Variants in UBASH3B observed in about 807,000 individuals in gnomAD.
UBASH3B encodes the protein ubiquitin-associated and SH3 domain-containing protein B.
A neutral mutation model predicts 83.4 loss-of-function variants in UBASH3B; 37 were observed. The observed-to-expected ratio is 0.44, with a 90% confidence interval of 0.34 to 0.58. UBASH3B has a LOEUF of 0.58. Among genes scored for constraint, UBASH3B ranks in the 20% least tolerant of loss-of-function variants. The pLI is 0.01. For missense variants in UBASH3B, 657 were observed against 827.2 expected, an observed-to-expected ratio of 0.79 and a Z score of 2.52; for synonymous variants, 304 against 318.3, an observed-to-expected ratio of 0.96 and a Z score of 0.48.
At chr11:122,673,346 C>T (rs7940176) in intron 1 of UBASH3B, among the ~76,000 whole-genome samples, 20,579 of 152,112 alleles carry the variant, frequency 0.14, 1,484 homozygotes, top group African/African-American at 0.18. Context: ...ACCTTTAACT[C>T]CTTACCATAG....
At chr11:122,718,470 G>A (rs1320954685) in intron 1 of UBASH3B, among the ~76,000 whole-genome samples, 1 of 152,124 alleles carries the variant, frequency 6.6e-6, no homozygotes, top group Non-Finnish European at 1.5e-5. Flanking sequence ...CTCCAGCCGT[G>A]TGACCTTGGG....
chr11:122,697,602 C>A (rs182324735), intron 1 of UBASH3B, among the ~76,000 whole-genome samples: 2 of 152,294 alleles, frequency 1.3e-5, no homozygotes, highest in East Asian at 3.9e-4. Context: ...CACTGCCTCC[C>A]ACTTCTGGAT....
intron 6 of UBASH3B, among the ~76,000 whole-genome samples, chr11:122,794,245 G>T (rs528484380): frequency 6.6e-6 from 1 of 151,810 alleles, no homozygotes; most frequent in Non-Finnish European, 1.5e-5. Flanking sequence ...TCGCCGTATC[G>T]CCCGGGCTGG....
chr11:122,661,337 T>TGA (rs376275250), intron 1 of UBASH3B, among the ~76,000 whole-genome samples: 362 of 152,310 alleles, frequency 2.4e-3, no homozygotes, highest in African/African-American at 8.4e-3. Context: ...CATGAGGAGT[T>TGA]GAGAAGCGGC....
intron 1 of UBASH3B, among the ~76,000 whole-genome samples, chr11:122,696,284 C>A (rs934024062): frequency 6.6e-6 from 1 of 151,268 alleles, no homozygotes; most frequent in Non-Finnish European, 1.5e-5. Flanking sequence ...AATAAGCCGG[C>A]AGGATTTTAA....
chr11:122,765,434 G>A (rs887532334), intron 1 of UBASH3B, among the ~76,000 whole-genome samples: 1 of 152,144 alleles, frequency 6.6e-6, no homozygotes, highest in Non-Finnish European at 1.5e-5. Context: ...ACTGGAGAGT[G>A]GGACTCTTGC....
At chr11:122,761,783 T>C (rs1168448631) in intron 1 of UBASH3B, among the ~76,000 whole-genome samples, 1 of 52,544 alleles carries the variant, frequency 1.9e-5, no homozygotes, top group Non-Finnish European at 3.9e-5. Flanking sequence ...CAGATCCTTT[T>C]TTTTTTTTTT....
intron 1 of UBASH3B, among the ~76,000 whole-genome samples, chr11:122,768,193 G>A (rs1860583875): frequency 6.6e-6 from 1 of 152,088 alleles, no homozygotes; most frequent in South Asian, 2.1e-4. Context: ...GCTTAACTGA[G>A]AAAGTACAGG....
intron 1 of UBASH3B, among the ~76,000 whole-genome samples, chr11:122,711,567 C>T (rs530402967): frequency 2.0e-5 from 3 of 152,232 alleles, no homozygotes; most frequent in Non-Finnish European, 4.4e-5. Context: ...GCCGGGAGTG[C>T]GTGTATGCCT....
chr11:122,789,347 G>A, intron 6 of UBASH3B, 39 bp downstream of exon 6: 2 of 1,608,332 alleles, frequency 1.2e-6, no homozygotes, highest in Non-Finnish European at 1.7e-6. Flanking sequence ...TTTGAAGAAT[G>A]TTGCTAAGGC....
At chr11:122,754,496 G>T (rs1861252851) in intron 1 of UBASH3B, among the ~76,000 whole-genome samples, 1 of 152,222 alleles carries the variant, frequency 6.6e-6, no homozygotes, top group Admixed American at 6.5e-5. Context: ...TTCTAGCTGG[G>T]ATGAACAGCA....
At chr11:122,664,504 A>G (rs1166447711) in intron 1 of UBASH3B, among the ~76,000 whole-genome samples, 4 of 152,084 alleles carry the variant, frequency 2.6e-5, no homozygotes, top group Non-Finnish European at 1.5e-5. Flanking sequence ...GCCACTTTCT[A>G]TTTGCCCAAA....
intron 1 of UBASH3B, among the ~76,000 whole-genome samples, chr11:122,761,484 A>G (rs1326113744): frequency 6.6e-6 from 1 of 152,098 alleles, no homozygotes; most frequent in Non-Finnish European, 1.5e-5. Context: ...AATAAAACAT[A>G]AATAAGTGTT....
intron 1 of UBASH3B, among the ~76,000 whole-genome samples, chr11:122,699,425 T>C (rs1864005207): frequency 6.6e-6 from 1 of 152,230 alleles, no homozygotes; most frequent in South Asian, 2.1e-4. Flanking sequence ...TTCTGTGAAA[T>C]GCCTGTGGAT....
intron 1 of UBASH3B, among the ~76,000 whole-genome samples, chr11:122,764,769 T>G (rs1198410778): frequency 1.3e-5 from 2 of 152,270 alleles, no homozygotes; most frequent in Non-Finnish European, 2.9e-5. Flanking sequence ...ACCAGCATCT[T>G]CCATCCTTGG....
chr11:122,788,529 A>G (rs554399596), intron 5 of UBASH3B, among the ~76,000 whole-genome samples: 25 of 152,284 alleles, frequency 1.6e-4, no homozygotes, highest in Non-Finnish European at 3.1e-4. Flanking sequence ...AGATCATGCC[A>G]TTGCACTCCA....
chr11:122,779,785 G>A (rs1488947209), intron 4 of UBASH3B, 90 bp downstream of exon 4: 1 of 1,510,442 alleles, frequency 6.6e-7, no homozygotes, highest in African/African-American at 1.4e-5. Context: ...AGAGGAGCAG[G>A]ATGGGGTCAG....
intron 7 of UBASH3B, 127 bp from the exon 8 acceptor site, chr11:122,796,029 T>C (rs1238627080): frequency 8.3e-7 from 1 of 1,208,132 alleles, no homozygotes; most frequent in Non-Finnish European, 1.2e-6. Flanking sequence ...GGACGAGTCT[T>C]ACTGTCCTCA....
intron 1 of UBASH3B, among the ~76,000 whole-genome samples, chr11:122,745,634 G>C (rs1162904287): frequency 1.3e-5 from 2 of 152,166 alleles, no homozygotes; most frequent in African/African-American, 2.4e-5. Context: ...TGACCCACAG[G>C]CTTTGAAAAC....
Sources: allele counts gnomAD v4.1 joint callset (sites outside exome capture counted in the v4.1 genomes callset), GRCh38; gene constraint gnomAD v4.1.1; transcripts MANE v1.5; gene names NCBI Gene and HGNC (gene_info 2026-07-23, HGNC 2026-07-21).